The following PPP2R5E variants were observed in gnomAD, a reference collection of about 807,000 sequenced individuals.
PPP2R5E encodes the protein protein phosphatase 2 regulatory subunit B'epsilon, also known as serine/threonine-protein phosphatase 2A 56 kDa regulatory subunit epsilon isoform.
In PPP2R5E, 4 loss-of-function variants were observed where a neutral mutation model predicts 65.3. The ratio of observed to expected loss-of-function variants is 0.06; its 90% CI spans 0.03 to 0.14. The LOEUF is 0.14. PPP2R5E is among the 10% of genes least tolerant of loss of function. The pLI is 1.00. For missense variants in PPP2R5E, 274 were observed against 556.1 expected (o/e 0.49, Z 5.10); for synonymous variants, 183 against 187.4 (o/e 0.98, Z 0.19).
chr14:63,496,492 CA>C (rs1374724082), intron 2 of PPP2R5E, among the ~76,000 whole-genome samples: 3 of 150,744 alleles, frequency 2.0e-5, no homozygotes, highest in Non-Finnish European at 4.4e-5. Flanking sequence ...TTAAATTTGC[CA>C]AACCAACCTC....
chr14:63,452,397 G>C (rs7152839), intron 3 of PPP2R5E: 12 of 152,054 alleles, frequency 7.9e-5, no homozygotes, highest in African/African-American at 2.9e-4. Flanking sequence ...GGGGCCACCC[G>C]GTACATTGTA....
intron 13 of PPP2R5E, among the ~76,000 whole-genome samples, chr14:63,380,606 G>A (rs1884292151): frequency 6.6e-6 from 1 of 151,858 alleles, no homozygotes; most frequent in Admixed American, 6.6e-5. Context: ...AGCTTGCAGT[G>A]AGCTGAGATC....
intron 2 of PPP2R5E, among the ~76,000 whole-genome samples, chr14:63,517,344 G>A (rs1308787125): frequency 6.6e-6 from 1 of 152,100 alleles, no homozygotes; most frequent in Non-Finnish European, 1.5e-5. Context: ...AGAATATTTT[G>A]ATATTAAATA....
In PPP2R5E at chr14:63,396,681, T is replaced by C. The variant is rs1433227471; in HGVS notation, c.585A>G (p.Glu195=). 2 of 1,613,612 alleles carry C rather than the reference T, an allele frequency of 1.2e-6. No homozygotes were observed. The highest frequency in any genetic ancestry group is 2.2e-5 in the East Asian group (1 of 44,880). ...LELFDSEDPR[E]RDYLKTVLHR... ...GTAAGACTGTTTTTAAGTAGTCCCG[T>C]TCCCGAGGGTCTTCGCTGTCAAATA... The change falls in exon 6 of 14, where the codon GAA becomes GAG. Residue 195 remains glutamate (E), a synonymous_variant. Coordinates refer to ENST00000337537, the MANE Select transcript of PPP2R5E (RefSeq NM_006246.5).
intron 4 of PPP2R5E, among the ~76,000 whole-genome samples, chr14:63,417,637 T>G (rs999222739): frequency 3.3e-5 from 5 of 152,206 alleles, no homozygotes; most frequent in Non-Finnish European, 7.3e-5. Flanking sequence ...TTTAAATGTG[T>G]GCTTGAGGGT....
intron 5 of PPP2R5E, among the ~76,000 whole-genome samples, chr14:63,408,665 A>G (rs115154821): frequency 0.014 from 2,205 of 152,354 alleles, 60 homozygotes; most frequent in African/African-American, 0.05. Context: ...TGTATAAATA[A>G]TTTGGAGATT....
At chr14:63,500,903 A>G (rs190672611) in intron 2 of PPP2R5E, among the ~76,000 whole-genome samples, 166 of 152,216 alleles carry the variant, frequency 1.1e-3, no homozygotes, top group Non-Finnish European at 2.0e-3. Context: ...ATGACATCCT[A>G]GCGTAACAGC....
chr14:63,509,132 C>T (rs1005216194), intron 2 of PPP2R5E, among the ~76,000 whole-genome samples: 2 of 152,002 alleles, frequency 1.3e-5, no homozygotes, highest in African/African-American at 4.8e-5. Flanking sequence ...AAATCCTTCA[C>T]TTCTTCTCTA....
chr14:63,415,472 A>G (rs1886639682), intron 4 of PPP2R5E, among the ~76,000 whole-genome samples: 1 of 152,212 alleles, frequency 6.6e-6, no homozygotes, highest in Non-Finnish European at 1.5e-5. Flanking sequence ...TAATCTTGCC[A>G]TTCAGAGACA....
intron 2 of PPP2R5E, among the ~76,000 whole-genome samples, chr14:63,530,037 G>A (rs762008599): frequency 1.3e-5 from 2 of 152,020 alleles, no homozygotes; most frequent in Non-Finnish European, 2.9e-5. Flanking sequence ...ACTATAGAGA[G>A]AGAACGTGAA....
rs989702124 is a variant in PPP2R5E, at chr14:63,490,194, G to C, written c.158-36309C>G. Among the ~76,000 whole-genome samples the C allele has an allele frequency of 9.2e-5, 14 of 151,998 alleles. 1 individual carries two copies. Among genetic ancestry groups the C allele is most frequent in the African/African-American group, 3.4e-4 (14 of 41,392 alleles). ...TGGGAAATATGACTAGTCCTACCTAGTCAATAAATGGTGCTGGGAAAACTG... is the reference window on the plus strand; with the variant it reads ...TGGGAAATATGACTAGTCCTACCTACTCAATAAATGGTGCTGGGAAAACTG... On this transcript the variant is annotated intron_variant, in intron 2 of 13. Transcript: ENST00000337537.
chr14:63,401,607 G>A (rs934365814), intron 5 of PPP2R5E, among the ~76,000 whole-genome samples: 1 of 152,172 alleles, frequency 6.6e-6, no homozygotes, highest in African/African-American at 2.4e-5. Flanking sequence ...AAAAAGGGCT[G>A]TAAGGGTCTT....
At chr14:63,446,899 G>A (rs1291896697) in intron 3 of PPP2R5E, among the ~76,000 whole-genome samples, 1 of 151,892 alleles carries the variant, frequency 6.6e-6, no homozygotes, top group Non-Finnish European at 1.5e-5. Flanking sequence ...GAGCTCTTGG[G>A]TAACAAGGTG....
chr14:63,385,030 G>A (rs1209215079), intron 11 of PPP2R5E, among the ~76,000 whole-genome samples: 3 of 151,310 alleles, frequency 2.0e-5, no homozygotes, highest in African/African-American at 4.9e-5. Flanking sequence ...TAATCTCTTG[G>A]AAAATTCCAA....
At chr14:63,452,386 G>A (rs549723074) in intron 3 of PPP2R5E, 1 of 152,212 alleles carries the variant, frequency 6.6e-6, no homozygotes, top group South Asian at 2.1e-4. Flanking sequence ...TCTTTATTGT[G>A]GGGGCCACCC....
intron 4 of PPP2R5E, among the ~76,000 whole-genome samples, chr14:63,416,344 T>C (rs1050651304): frequency 2.0e-5 from 3 of 152,224 alleles, no homozygotes; most frequent in African/African-American, 7.2e-5. Flanking sequence ...CTGGGTTGAA[T>C]GCCTAACTCT....
chr14:63,529,874 A>C (rs976923450), intron 2 of PPP2R5E, among the ~76,000 whole-genome samples: 2 of 152,152 alleles, frequency 1.3e-5, no homozygotes, highest in African/African-American at 4.8e-5. Context: ...TCCAGGTTAC[A>C]TCCTGGACGG....
chr14:63,405,601 ACTGACTGTTTTT>A (rs1241053374), intron 5 of PPP2R5E, among the ~76,000 whole-genome samples: 1 of 152,228 alleles, frequency 6.6e-6, no homozygotes, highest in Non-Finnish European at 1.5e-5. Context: ...CTCAGCAACC[ACTGACTGTTTTT>A]CAGATTTGCA....
intron 12 of PPP2R5E, 83 bp downstream of exon 12, chr14:63,384,361 C>T: frequency 6.8e-7 from 1 of 1,470,408 alleles, no homozygotes; most frequent in Non-Finnish European, 9.4e-7. Flanking sequence ...GCAACAAGGA[C>T]AGCATCTGGC....
Sources: allele counts gnomAD v4.1 joint callset (sites outside exome capture counted in the v4.1 genomes callset), GRCh38; gene constraint gnomAD v4.1.1; transcripts MANE v1.5; gene names NCBI Gene and HGNC (gene_info 2026-07-23, HGNC 2026-07-21).